The following P2RY8 variants were observed in gnomAD, a reference collection of about 807,000 sequenced individuals.
P2RY8 encodes the protein P2Y receptor family member 8.
Under a neutral mutation model 10.0 loss-of-function variants are expected in P2RY8, and 6 were observed. That is an observed-to-expected ratio of 0.60 (90% CI 0.33 to 1.19). P2RY8 has a LOEUF of 1.19. Among genes scored for constraint, P2RY8 ranks in the 50% most tolerant of loss-of-function variants. The probability of loss-of-function intolerance (pLI) is 0.04; values close to 1 mark genes in which losing one functional copy is unlikely to be tolerated. For missense variants in P2RY8, 456 were observed against 542.0 expected, an observed-to-expected ratio of 0.84 and a Z score of 1.58; for synonymous variants, 276 against 252.5, an observed-to-expected ratio of 1.09 and a Z score of -0.88.
At chrX:1,492,035 T>C (rs2092057567) in intron 1 of P2RY8, among the ~76,000 whole-genome samples, 1 of 152,216 alleles carries the variant, frequency 6.6e-6, no homozygotes, top group African/African-American at 2.4e-5. Context: ...CTGACCTCTC[T>C]GCTGCATCCA....
At chrX:1,523,227 G>A (rs2092406078) in intron 1 of P2RY8, among the ~76,000 whole-genome samples, 1 of 151,950 alleles carries the variant, frequency 6.6e-6, no homozygotes, top group South Asian at 2.1e-4. Flanking sequence ...CCCCAGCCAG[G>A]TGAGGGTGTG....
intron 1 of P2RY8, among the ~76,000 whole-genome samples, chrX:1,515,812 C>T (rs62603054): frequency 0.49 from 74,570 of 151,320 alleles, 19,404 homozygotes; most frequent in East Asian, 0.81. Context: ...GGTGAGAGCT[C>T]TGGGGGAGAT....
At chrX:1,487,441 G>A (rs1292358509) in intron 1 of P2RY8, among the ~76,000 whole-genome samples, 19 of 152,098 alleles carry the variant, frequency 1.2e-4, no homozygotes, top group Admixed American at 2.6e-4. Context: ...ACACTGAGGG[G>A]CAGAGGGCAT....
chrX:1,534,128 AT>A (rs1414817975), intron 1 of P2RY8, among the ~76,000 whole-genome samples: 3 of 130,188 alleles, frequency 2.3e-5, no homozygotes, highest in African/African-American at 6.1e-5. Context: ...TATATTATAT[AT>A]TTATATATAT....
intron 1 of P2RY8, among the ~76,000 whole-genome samples, chrX:1,484,724 T>TAAAAAAAAAAAAAAAAAAAAAAAAA (rs1171758279): frequency 1.2e-4 from 2 of 16,792 alleles, no homozygotes; most frequent in African/African-American, 1.7e-4. Flanking sequence ...CAAAACCCTG[T>TAAAAAAAAAAAAAAAAAAAAAAAAA]AAAAAAAAAA....
intron 1 of P2RY8, among the ~76,000 whole-genome samples, chrX:1,516,213 C>CAA (rs1193105536): frequency 3.1e-5 from 1 of 31,942 alleles, no homozygotes; most frequent in Non-Finnish European, 1.4e-4. Context: ...AACAAAACAA[C>CAA]AACAAAAAAA....
chrX:1,476,254 G>C (rs1367453535), intron 1 of P2RY8, among the ~76,000 whole-genome samples: 4 of 152,088 alleles, frequency 2.6e-5, no homozygotes, highest in Non-Finnish European at 4.4e-5. Flanking sequence ...AGACCTGTTT[G>C]AGCAAGAGTC....
At chrX:1,492,513 C>A (rs2092063493) in intron 1 of P2RY8, among the ~76,000 whole-genome samples, 2 of 151,874 alleles carry the variant, frequency 1.3e-5, no homozygotes, top group South Asian at 4.2e-4. Context: ...CTGAGGGAGG[C>A]AGAAAAAGGT....
intron 1 of P2RY8, among the ~76,000 whole-genome samples, chrX:1,483,032 A>T (rs1347425391): frequency 6.6e-6 from 1 of 152,168 alleles, no homozygotes; most frequent in Non-Finnish European, 1.5e-5. Context: ...AACATGGCAC[A>T]TGTATACATA....
At chrX:1,484,095 T>C (rs2091964585) in intron 1 of P2RY8, among the ~76,000 whole-genome samples, 2 of 151,966 alleles carry the variant, frequency 1.3e-5, no homozygotes, top group Non-Finnish European at 2.9e-5. Flanking sequence ...AAAGCTGGGT[T>C]CCCCTAAACC....
At chrX:1,492,312 G>A (rs1438021315) in intron 1 of P2RY8, among the ~76,000 whole-genome samples, 1 of 152,178 alleles carries the variant, frequency 6.6e-6, no homozygotes, top group Admixed American at 6.5e-5. Context: ...ATCTCAAGCA[G>A]TGGTCATTTG....
chrX:1,497,220 T>A (rs866769809), intron 1 of P2RY8, among the ~76,000 whole-genome samples: 2 of 8,882 alleles, frequency 2.3e-4, no homozygotes, highest in African/African-American at 4.5e-4. Flanking sequence ...GGACTCCGTC[T>A]CAAAAAAAAA....
chrX:1,514,384 C>CT (rs1408302386), intron 1 of P2RY8, among the ~76,000 whole-genome samples: 6 of 127,644 alleles, frequency 4.7e-5, no homozygotes, highest in South Asian at 2.6e-4. Context: ...TTTCCCTTCC[C>CT]TCCCTTCCCT....
intron 1 of P2RY8, among the ~76,000 whole-genome samples, chrX:1,503,549 T>C (rs1302436138): frequency 6.6e-6 from 1 of 152,052 alleles, no homozygotes; most frequent in Non-Finnish European, 1.5e-5. Flanking sequence ...TCACCTGAGG[T>C]CAGGAGTTCG....
intron 1 of P2RY8, among the ~76,000 whole-genome samples, chrX:1,467,699 T>A (rs1402178316): frequency 6.6e-6 from 1 of 152,212 alleles, no homozygotes; most frequent in African/African-American, 2.4e-5. Flanking sequence ...TTTATAGATA[T>A]GGGGTCTTGC....
intron 1 of P2RY8, among the ~76,000 whole-genome samples, chrX:1,484,782 C>A (rs2091972578): frequency 7.4e-6 from 1 of 135,516 alleles, no homozygotes; most frequent in Non-Finnish European, 1.6e-5. Flanking sequence ...AGCTGGGGAA[C>A]CTTCCTGAGC....
At chrX:1,528,275 A>C (rs2092451605) in intron 1 of P2RY8, among the ~76,000 whole-genome samples, 1 of 152,198 alleles carries the variant, frequency 6.6e-6, no homozygotes. Context: ...ATTGCATCTC[A>C]CAGAGAGGCT....
At chrX:1,504,288 C>G (rs1373455658) in intron 1 of P2RY8, among the ~76,000 whole-genome samples, 1 of 149,892 alleles carries the variant, frequency 6.7e-6, no homozygotes, top group Admixed American at 6.7e-5. Context: ...TGCACTCCAG[C>G]CTGGGCAACA....
At chrX:1,505,452 G>T (rs1384772811) in intron 1 of P2RY8, among the ~76,000 whole-genome samples, 1 of 152,184 alleles carries the variant, frequency 6.6e-6, no homozygotes, top group African/African-American at 2.4e-5. Flanking sequence ...GGAGGCACTG[G>T]ATGAGTGTCT....
Sources: allele counts gnomAD v4.1 joint callset (sites outside exome capture counted in the v4.1 genomes callset), GRCh38; gene constraint gnomAD v4.1.1; transcripts MANE v1.5; gene names NCBI Gene and HGNC (gene_info 2026-07-23, HGNC 2026-07-21).